The following SH2D1A variants were observed in gnomAD, a reference collection of about 807,000 sequenced individuals.
SH2D1A encodes the protein SH2 domain-containing protein 1A.
SH2D1A carries 6 observed loss-of-function variants against 10.1 expected under a neutral mutation model. The ratio of observed to expected loss-of-function variants is 0.60; its 90% CI spans 0.33 to 1.18. SH2D1A has a LOEUF of 1.18. Ranked by LOEUF, SH2D1A falls within the 50% of genes most tolerant of loss-of-function variation. The pLI, the probability that SH2D1A is intolerant of heterozygous loss-of-function variation, is 0.04. For synonymous variants in SH2D1A, 42 were observed against 36.9 expected (o/e 1.14, Z -0.51); for missense variants, 51 against 97.6 (o/e 0.52, Z 2.01).
intron 2 of SH2D1A, among the ~76,000 whole-genome samples, chrX:124,366,876 A>AC (rs758558659): frequency 3.4e-5 from 3 of 87,088 alleles, no homozygotes; most frequent in Non-Finnish European, 6.9e-5. Context: ...TATACTGACA[A>AC]ACACACACAC....
chrX:124,360,841 A>G (rs1162531655), intron 1 of SH2D1A, among the ~76,000 whole-genome samples: 1 of 111,030 alleles, frequency 9.0e-6, no homozygotes, highest in Non-Finnish European at 1.9e-5. Context: ...TACTATATAT[A>G]CTAAAATATA....
At chrX:124,346,921 T>C in intron 1 of SH2D1A, 142 bp downstream of exon 1, 1 of 658,962 alleles carries the variant, frequency 1.5e-6, no homozygotes, top group Non-Finnish European at 2.4e-6. Flanking sequence ...CACCCTCAAG[T>C]CCAGCCCAGG....
In SH2D1A at chrX:124,355,918, T is replaced by C. The variant is rs757950064; in HGVS notation, c.137+9139T>C. On this transcript the variant is annotated intron_variant, in intron 1 of 3. Coordinates refer to ENST00000371139, the MANE Select transcript of SH2D1A (RefSeq NM_002351.5). ...ATTTTTATTTTTTGTTTTGTGTGTG[T>C]TTTTTTTAATACTTTAAGTTCTAGG... Among the ~76,000 whole-genome samples the C allele has an allele frequency of 4.1e-4, 45 of 111,100 alleles. No individual in the cohort carries two copies. The East Asian group carries it at 4.8e-3, about 12-fold the overall frequency.
At position 124,346,713 on chromosome X, in the gene SH2D1A, G is replaced by A; in HGVS notation, c.71G>A (p.Gly24Glu). 8.3e-7 allele frequency: 1 copy of A among 1,211,625 alleles called. No homozygotes were observed. The highest frequency in any genetic ancestry group is 1.1e-6 in the Non-Finnish European group (1 of 895,208). The change falls in exon 1 of 4, where the codon GGG becomes GAG. Residue 24 changes from glycine (G) to glutamate (E), a missense_variant. Gly to Glu is a moderately conservative substitution (Grantham distance 98). Coordinates refer to ENST00000371139, the MANE Select transcript of SH2D1A (RefSeq NM_002351.5). Reference protein sequence around the residue: ...ETGEKLLLATGLDGSYLLRDS... With the variant: ...ETGEKLLLATELDGSYLLRDS... ...GGCGAGAAGCTCCTGCTTGCCACTG[G>A]GCTGGATGGCAGCTATTTGCTGAGG...
intron 1 of SH2D1A, among the ~76,000 whole-genome samples, chrX:124,350,968 A>AT (rs2060012583): frequency 2.0e-5 from 1 of 49,032 alleles, no homozygotes; most frequent in Admixed American, 2.5e-4. Flanking sequence ...TATATATTGT[A>AT]TATAAGATAT....
intron 1 of SH2D1A, among the ~76,000 whole-genome samples, chrX:124,364,226 G>A (rs1410550260): frequency 1.8e-5 from 2 of 110,838 alleles, no homozygotes; most frequent in Non-Finnish European, 1.9e-5. Context: ...GGAAGACAGT[G>A]ATACTGATGA....
intron 3 of SH2D1A, 43 bp from the exon 4 acceptor site, chrX:124,371,308 T>C: frequency 2.1e-6 from 2 of 934,807 alleles, no homozygotes. Context: ...ATTTTAATAG[T>C]TTGTAAGTTT....
At chrX:124,351,255 C>A (rs942397175) in intron 1 of SH2D1A, among the ~76,000 whole-genome samples, 1 of 107,008 alleles carries the variant, frequency 9.3e-6, no homozygotes, top group Non-Finnish European at 1.9e-5. Flanking sequence ...TTAATGGCTG[C>A]ATGGTAGTCC....
intron 2 of SH2D1A, among the ~76,000 whole-genome samples, chrX:124,368,246 G>T (rs2060060750): frequency 1.8e-5 from 2 of 111,130 alleles, no homozygotes; most frequent in African/African-American, 6.6e-5. Context: ...TGCCTCCCAG[G>T]TTCAAGTGAG....
chrX:124,351,787 A>G (rs2147523354), intron 1 of SH2D1A, among the ~76,000 whole-genome samples: 2 of 109,849 alleles, frequency 1.8e-5, no homozygotes, highest in East Asian at 5.7e-4. Flanking sequence ...TTTTAAACAC[A>G]CTCTATGTGT....
chrX:124,365,631 C>G, intron 1 of SH2D1A, 130 bp from the exon 2 acceptor site: 1 of 504,661 alleles, frequency 2.0e-6, no homozygotes. Context: ...GCTTTACTTC[C>G]TATGAATGCA....
At chrX:124,364,103 G>A (rs778386717) in intron 1 of SH2D1A, among the ~76,000 whole-genome samples, 1 of 109,472 alleles carries the variant, frequency 9.1e-6, no homozygotes, top group African/African-American at 3.3e-5. Flanking sequence ...CCTCGGGCAG[G>A]TCCCTCAGGA....
chrX:124,365,917 G>C lies in SH2D1A; in HGVS notation c.201+93G>C, dbSNP rs1007316828. The C allele has an allele frequency of 8.8e-6, 5 of 570,005 alleles. No individual in the cohort carries two copies. The African/African-American group carries it at 1.1e-4, about 13-fold the overall frequency. 47.0% of individuals were successfully genotyped at this position (570,005 alleles called of 1,213,427 possible). ...AAAAGAGCAAATTATACATTATTAA[G>C]TATTCATAAGGTTTAAATCTCTAAA... On this transcript the variant is annotated intron_variant, in intron 2 of 3. Transcript: ENST00000371139.
intron 1 of SH2D1A, among the ~76,000 whole-genome samples, chrX:124,353,347 G>A: frequency 9.0e-6 from 1 of 111,496 alleles, no homozygotes; most frequent in Non-Finnish European, 1.9e-5. Flanking sequence ...TTGTGTGTAT[G>A]AATGTGTATG....
chrX:124,372,402 T>C lies in SH2D1A; in HGVS notation c.*1011T>C. ...GAATTCATTCACTCAACAAACATAATAGGGCGCTGAGGGCATAGAAGTAAA... is the reference window on the plus strand; with the variant it reads ...GAATTCATTCACTCAACAAACATAACAGGGCGCTGAGGGCATAGAAGTAAA... On this transcript the variant is annotated 3_prime_UTR_variant, in exon 4 of 4. Coordinates refer to ENST00000371139, the MANE Select transcript of SH2D1A (RefSeq NM_002351.5). 1 of 173,436 alleles carries C rather than the reference T, an allele frequency of 5.8e-6. No homozygotes were observed. The highest frequency in any genetic ancestry group is 1.1e-5 in the Non-Finnish European group (1 of 90,167). 14.3% of individuals were successfully genotyped at this position (173,436 alleles called of 1,213,427 possible). A position where few individuals can be genotyped will look rare whatever the true frequency, so the allele number is the denominator to read the frequency against.
intron 1 of SH2D1A, among the ~76,000 whole-genome samples, chrX:124,362,287 C>G (rs755651348): frequency 1.8e-5 from 2 of 112,326 alleles, no homozygotes; most frequent in African/African-American, 6.5e-5. Flanking sequence ...GTGGGGCCAT[C>G]ACCCTAGCCA....
At chrX:124,351,010 AT>A (rs1258276386) in intron 1 of SH2D1A, among the ~76,000 whole-genome samples, 4 of 87,957 alleles carry the variant, frequency 4.5e-5, no homozygotes, top group South Asian at 4.7e-4. Context: ...AAATATGTAT[AT>A]TTTTATATAT....
rs2060073618 is a variant in SH2D1A at position 124,373,040 on chromosome X, C to T, written c.*1649C>T. On this transcript the variant is annotated 3_prime_UTR_variant, in exon 4 of 4. Transcript: ENST00000371139. ...ATAATGTGTTCATTCTGGAATAATC[C>T]TAAACATATGAATTATGTTTGCATG... The T allele has an allele frequency of 6.3e-6, 1 of 157,535 alleles. No individual in the cohort carries two copies. Among genetic ancestry groups the T allele is most frequent in the Non-Finnish European group, 1.2e-5 (1 of 80,351 alleles). 13.0% of individuals were successfully genotyped at this position (157,535 alleles called of 1,213,427 possible). A position where few individuals can be genotyped will look rare whatever the true frequency, so the allele number is the denominator to read the frequency against.
chrX:124,359,978 G>A (rs145442526), intron 1 of SH2D1A, among the ~76,000 whole-genome samples: 1,469 of 110,118 alleles, frequency 0.013, 30 homozygotes, highest in African/African-American at 0.046. Flanking sequence ...CGATCTCAGC[G>A]CACCGTAACC....
Sources: gnomAD v4.1 joint callset for allele counts (sites outside exome capture counted in the v4.1 genomes callset) on GRCh38, gnomAD v4.1.1 for gene constraint, MANE v1.5 for transcripts, NCBI Gene and HGNC (gene_info 2026-07-23, HGNC 2026-07-21) for gene names.